The following TSFM variants were observed in gnomAD, a reference collection of about 807,000 sequenced individuals.
TSFM encodes the protein elongation factor Ts, mitochondrial.
In TSFM, 29 loss-of-function variants were observed where a neutral mutation model predicts 33.4. That is an observed-to-expected ratio of 0.87 (90% CI 0.65 to 1.18). TSFM has a LOEUF of 1.18. Ranked by LOEUF, TSFM falls within the 50% of genes most tolerant of loss-of-function variation. The pLI is 0.00. For synonymous variants in TSFM, 178 were observed against 163.5 expected (o/e 1.09, Z -0.68); for missense variants, 394 against 395.6 (o/e 1.00, Z 0.04).
chr12:57,800,808 A>G (rs1222079477), downstream of TSFM, among the ~76,000 whole-genome samples: 2 of 152,124 alleles, frequency 1.3e-5, no homozygotes, highest in African/African-American at 4.8e-5. Context: ...GGGTTTCACC[A>G]TATTAGTCAG....
At position 57,792,956 on chromosome 12, in the gene TSFM, A is replaced by T. The variant is rs113279264; in HGVS notation, c.484-30A>T. ...TTGATAATTTGAATAGTACAGAATC[A>T]GTTCATGTTTGTTTTCTTCGTGCAC... On this transcript the variant is annotated intron_variant, in intron 4 of 5. Transcript: ENST00000652027. 26 of 1,594,628 alleles carry T rather than the reference A, an allele frequency of 1.6e-5. No homozygotes were observed. In the African/African-American group the frequency reaches 2.5e-4, roughly 16 times the overall value.
At chr12:57,800,067 G>T (rs1160140281), downstream of TSFM, 4 of 1,086,740 alleles carry the variant, frequency 3.7e-6, no homozygotes, top group Non-Finnish European at 5.2e-6. Context: ...CCCAAACCTG[G>T]CTGCATGTCA....
At chr12:57,782,925 C>T in intron 1 of TSFM, 67 bp downstream of exon 1, 4 of 1,523,482 alleles carry the variant, frequency 2.6e-6, no homozygotes, top group South Asian at 2.4e-5. Flanking sequence ...TGTACCTTTC[C>T]CTTCCTCCCA....
chr12:57,790,646 C>T (rs866528129), intron 4 of TSFM, among the ~76,000 whole-genome samples: 2 of 151,842 alleles, frequency 1.3e-5, no homozygotes, highest in Middle Eastern at 3.2e-3. Flanking sequence ...GGTCAAATGA[C>T]TCCGTTTAGT....
In TSFM at chr12:57,786,266, A is replaced by G. The variant is rs1257270427; in HGVS notation, c.335A>G (p.Glu112Gly). The G allele has an allele frequency of 6.2e-7, 1 of 1,612,354 alleles. No individual in the cohort carries two copies. ...TKEGLIGLLQ[E>G]GNTTVLVEVN... Reference sequence around the variant, plus strand: ...GAAGGCCTGATTGGGCTGTTGCAGGAAGGAAACACAACTGTATTAGTAGAG... The same window carrying G: ...GAAGGCCTGATTGGGCTGTTGCAGGGAGGAAACACAACTGTATTAGTAGAG... The change falls in exon 3 of 6, where the codon GAA (glutamate) becomes GGA (glycine). Residue 112 changes from glutamate (E) to glycine (G), a missense_variant. Glu to Gly is a moderately conservative substitution (Grantham distance 98, BLOSUM62 -2). Transcript: ENST00000652027.
rs1023917528 is a variant in TSFM at position 57,786,037 on chromosome 12, A to G, written c.232-126A>G. On this transcript the variant is annotated intron_variant, in intron 2 of 5. Coordinates refer to ENST00000652027, the MANE Select transcript of TSFM (RefSeq NM_005726.6). ...GCATTTAGTGGTAGACTGCCAGTAA[A>G]TGATAGATTACTTTAGTTTCTGTTA... The G allele has an allele frequency of 4.6e-5, 56 of 1,214,010 alleles. No individual in the cohort carries two copies. The South Asian group carries it at 8.7e-4, about 19-fold the overall frequency. 75.2% of individuals were successfully genotyped at this position (1,214,010 alleles called of 1,614,324 possible). A position where few individuals can be genotyped will look rare whatever the true frequency, so the allele number is the denominator to read the frequency against.
downstream of TSFM, chr12:57,802,334 A>T (rs1955866266): frequency 3.7e-6 from 6 of 1,611,968 alleles, no homozygotes; most frequent in Non-Finnish European, 4.2e-6. Context: ...CCTCAGCCCC[A>T]ATCCACAAGA....
At chr12:57,785,463 ATTT>A (rs1955578706) in intron 2 of TSFM, among the ~76,000 whole-genome samples, 1 of 151,640 alleles carries the variant, frequency 6.6e-6, no homozygotes, top group African/African-American at 2.4e-5. Context: ...TTACTGTTAA[ATTT>A]TTTTATTTTT....
chr12:57,790,745 C>T (rs945133128), intron 4 of TSFM, among the ~76,000 whole-genome samples: 11 of 151,234 alleles, frequency 7.3e-5, no homozygotes, highest in African/African-American at 2.7e-4. Flanking sequence ...TTTATTTTCA[C>T]CCCAAGTATG....
chr12:57,796,273 G>A lies in TSFM; in HGVS notation c.668G>A (p.Ser223Asn), dbSNP rs778216140. 1.2e-6 allele frequency: 2 copies of A among 1,613,038 alleles called. No individual in the cohort carries two copies. Among genetic ancestry groups the A allele is most frequent in the East Asian group, 2.2e-5 (1 of 44,880 alleles). The change falls in exon 6 of 6, where the codon AGT becomes AAT. Residue 223 changes from serine (S) to asparagine (N), a missense_variant. By Grantham distance (46) the Ser-to-Asn change is conservative (BLOSUM62 1). Coordinates refer to ENST00000652027, the MANE Select transcript of TSFM (RefSeq NM_005726.6). Reference protein sequence around the residue: ...VGSYVHGAMQSPSLHKLVLGK... With the variant: ...VGSYVHGAMQNPSLHKLVLGK... ...TCTTATGTCCACGGAGCAATGCAGA[G>A]TCCCTCACTTCACAAGCTGGTGCTG... is the stretch of plus-strand genomic sequence containing the variant.
chr12:57,793,273 G>A (rs909837854), intron 5 of TSFM, among the ~76,000 whole-genome samples, 200 bp downstream of exon 5: 15 of 152,162 alleles, frequency 9.9e-5, no homozygotes, highest in Non-Finnish European at 2.2e-4. Flanking sequence ...TGTTGCCCAG[G>A]CTGGAGTGCA....
intron 4 of TSFM, among the ~76,000 whole-genome samples, chr12:57,789,189 C>T (rs1407735816): frequency 6.6e-6 from 1 of 151,816 alleles, no homozygotes; most frequent in African/African-American, 2.4e-5. Context: ...GGTCTTGACT[C>T]CTGACCTCAG....
intron 4 of TSFM, among the ~76,000 whole-genome samples, chr12:57,790,253 A>G: frequency 6.6e-6 from 1 of 151,748 alleles, no homozygotes; most frequent in Non-Finnish European, 1.5e-5. Context: ...TATTTTCAGT[A>G]GAGACAGGGT....
chr12:57,782,796 A>G lies in TSFM; in HGVS notation c.-6A>G, dbSNP rs757189881. 1.3e-5 allele frequency: 21 copies of G among 1,588,084 alleles called. No individual in the cohort carries two copies. Among genetic ancestry groups the G allele is most frequent in the South Asian group, 2.3e-5 (2 of 87,092 alleles). ...CCGCCGGAGGGTGTTTATCGCGGCT[A>G]GAGAGATGTCGCTGCTGCGGTCGCT... On this transcript the variant is annotated 5_prime_UTR_variant, in exon 1 of 6. Coordinates refer to ENST00000652027, the MANE Select transcript of TSFM (RefSeq NM_005726.6).
chr12:57,786,330 C>T (rs769665218), intron 3 of TSFM, 39 bp downstream of exon 3: 21 of 1,596,894 alleles, frequency 1.3e-5, no homozygotes, highest in Non-Finnish European at 1.5e-5. Context: ...GAACAGCTGT[C>T]CCTTGGGTGT....
At chr12:57,795,681 C>G (rs148514270) in intron 5 of TSFM, among the ~76,000 whole-genome samples, 24 of 152,120 alleles carry the variant, frequency 1.6e-4, no homozygotes, top group Middle Eastern at 6.8e-3. Context: ...ATGGTACGAT[C>G]TCGGCTCACT....
chr12:57,801,274 G>T, downstream of TSFM: 1 of 1,391,352 alleles, frequency 7.2e-7, no homozygotes, highest in Non-Finnish European at 1.0e-6. Flanking sequence ...GACATCTTAG[G>T]TCTGGTCTGT....
chr12:57,802,235 G>T, downstream of TSFM: 1 of 1,614,190 alleles, frequency 6.2e-7, no homozygotes, highest in Non-Finnish European at 8.5e-7. Context: ...TAATGATCAG[G>T]ATTGGTGTGT....
intron 2 of TSFM, chr12:57,784,191 C>G (rs1353164520): frequency 2.9e-6 from 2 of 696,888 alleles, no homozygotes; most frequent in Non-Finnish European, 2.6e-6. Context: ...TGTATCTAAA[C>G]ATAGAAAAAG....
Sources: gnomAD v4.1 joint callset for allele counts (sites outside exome capture counted in the v4.1 genomes callset) on GRCh38, gnomAD v4.1.1 for gene constraint, MANE v1.5 for transcripts, NCBI Gene and HGNC (gene_info 2026-07-23, HGNC 2026-07-21) for gene names.